Variants in RPS6KA5 observed in about 807,000 individuals in gnomAD.
The protein encoded by RPS6KA5 is ribosomal protein S6 kinase A5.
Under a neutral mutation model 85.5 loss-of-function variants are expected in RPS6KA5, and 27 were observed. The ratio of observed to expected loss-of-function variants is 0.32; its 90% CI spans 0.23 to 0.44. The LOEUF (loss-of-function observed/expected upper bound fraction) is 0.44. Among genes scored for constraint, RPS6KA5 ranks in the 20% least tolerant of loss-of-function variants. The probability of loss-of-function intolerance (pLI) is 1.00; values close to 1 mark genes in which losing one functional copy is unlikely to be tolerated. For missense variants in RPS6KA5, 811 were observed against 980.9 expected, an observed-to-expected ratio of 0.83 and a Z score of 2.31; for synonymous variants, 334 against 348.2, an observed-to-expected ratio of 0.96 and a Z score of 0.46.
At chr14:91,058,624 T>C (rs727258) in intron 1 of RPS6KA5, among the ~76,000 whole-genome samples, 64,124 of 152,002 alleles carry the variant, frequency 0.42, 13,554 homozygotes, top group Middle Eastern at 0.62. Context: ...TGACACTGAG[T>C]GTGGCACAAA....
rs149683603 is a variant in RPS6KA5 at position 90,984,210 on chromosome 14, T to C, written c.176-5686A>G. On this transcript the variant is annotated intron_variant, in intron 2 of 16. Coordinates refer to ENST00000614987, the MANE Select transcript of RPS6KA5 (RefSeq NM_004755.4). ...CTGCAGTGTTTGACTGAACTTGAGGTAGAGGTTCTACTTTTTGAGACTGAG... is the reference window on the plus strand; with the variant it reads ...CTGCAGTGTTTGACTGAACTTGAGGCAGAGGTTCTACTTTTTGAGACTGAG... Among the ~76,000 whole-genome samples the C allele has an allele frequency of 1.6e-3, 237 of 152,308 alleles. 2 individuals carry two copies. Among genetic ancestry groups the C allele is most frequent in the African/African-American group, 5.3e-3 (220 of 41,568 alleles).
chr14:90,868,412 G>T lies in RPS6KA5; in HGVS notation c.*3662C>A, dbSNP rs1349504449. On this transcript the variant is annotated 3_prime_UTR_variant, in exon 17 of 17. Coordinates refer to ENST00000614987, the MANE Select transcript of RPS6KA5 (RefSeq NM_004755.4). ...GTATTATCATGTAAGACATTTGAGA[G>T]GCCAAAAGTCATATAATTTTAAGAT... 1 of 152,004 alleles carries T rather than the reference G, an allele frequency of 6.6e-6. No homozygotes were observed. The highest frequency in any genetic ancestry group is 1.5e-5 in the Non-Finnish European group (1 of 68,008). 9.4% of individuals were successfully genotyped at this position (152,004 alleles called of 1,614,324 possible). A position where few individuals can be genotyped will look rare whatever the true frequency, so the allele number is the denominator to read the frequency against.
At chr14:91,044,860 G>C (rs1352906347) in intron 1 of RPS6KA5, among the ~76,000 whole-genome samples, 1 of 141,758 alleles carries the variant, frequency 7.1e-6, no homozygotes, top group African/African-American at 2.6e-5. Flanking sequence ...AACAGAGCGA[G>C]ACGTGTCAAA....
chr14:91,057,896 A>C (rs563723222), intron 1 of RPS6KA5, among the ~76,000 whole-genome samples: 38 of 152,370 alleles, frequency 2.5e-4, no homozygotes, highest in African/African-American at 8.7e-4. Flanking sequence ...CGATGTCTAC[A>C]TATTAAGCTG....
intron 1 of RPS6KA5, among the ~76,000 whole-genome samples, chr14:91,004,351 G>T (rs1019798592): frequency 6.6e-6 from 1 of 152,080 alleles, no homozygotes. Flanking sequence ...GATTACAGGC[G>T]TGAGCCACCG....
intron 1 of RPS6KA5, among the ~76,000 whole-genome samples, chr14:91,025,681 C>G (rs1462279494): frequency 6.6e-6 from 1 of 151,580 alleles, no homozygotes; most frequent in East Asian, 1.9e-4. Flanking sequence ...GCAAACAAAT[C>G]GTCAAGGCAA....
chr14:90,923,149 T>G lies in RPS6KA5; in HGVS notation c.666A>C (p.Pro222=). Residue 222 remains proline, a synonymous_variant, in exon 6 of 17, where the codon CCA becomes CCC. Coordinates refer to ENST00000614987, the MANE Select transcript of RPS6KA5 (RefSeq NM_004755.4). ...CTGAATCTCCCCCTCTGACAATATC[T>G]GGTGCCATGTATTCAATAGTTCCAC... The part of the protein sequence containing the change: ...SFCGTIEYMA[P]DIVRGGDSGH... The G allele has an allele frequency of 6.2e-7, 1 of 1,613,148 alleles. No individual in the cohort carries two copies. The highest frequency in any genetic ancestry group is 8.5e-7 in the Non-Finnish European group (1 of 1,179,448).
chr14:90,948,400 A>G (rs2037984630), intron 3 of RPS6KA5, among the ~76,000 whole-genome samples: 2 of 152,238 alleles, frequency 1.3e-5, no homozygotes, highest in Admixed American at 1.3e-4. Context: ...AATTGTAGTT[A>G]CATCAGAAAC....
chr14:91,022,275 C>A (rs2041817905), intron 1 of RPS6KA5, among the ~76,000 whole-genome samples: 1 of 152,136 alleles, frequency 6.6e-6, no homozygotes, highest in Non-Finnish European at 1.5e-5. Context: ...CCAACTTACT[C>A]AGAACAAGAA....
chr14:91,007,767 T>A (rs2041089770), intron 1 of RPS6KA5, among the ~76,000 whole-genome samples: 1 of 152,132 alleles, frequency 6.6e-6, no homozygotes, highest in South Asian at 2.1e-4. Context: ...GATGTAATTT[T>A]AAAAACAGTA....
At chr14:91,058,335 C>T (rs1260433909) in intron 1 of RPS6KA5, among the ~76,000 whole-genome samples, 1 of 152,182 alleles carries the variant, frequency 6.6e-6, no homozygotes, top group African/African-American at 2.4e-5. Context: ...ATGATTCACA[C>T]AGTTAGAAGA....
intron 1 of RPS6KA5, among the ~76,000 whole-genome samples, chr14:91,015,146 T>C (rs1233686923): frequency 1.3e-5 from 2 of 152,182 alleles, no homozygotes; most frequent in Non-Finnish European, 2.9e-5. Context: ...GTTTTTAAGA[T>C]TTACTTTCAA....
intron 2 of RPS6KA5, among the ~76,000 whole-genome samples, chr14:90,985,075 G>A (rs1342426097): frequency 6.6e-6 from 1 of 151,824 alleles, no homozygotes. Flanking sequence ...CAAGTAGCTG[G>A]GATTACAACG....
At chr14:90,934,320 T>G (rs952060102) in intron 5 of RPS6KA5, among the ~76,000 whole-genome samples, 1 of 152,206 alleles carries the variant, frequency 6.6e-6, no homozygotes, top group African/African-American at 2.4e-5. Context: ...TTTTCTATTT[T>G]TATTGTGCTT....
chr14:90,900,753 G>C lies in RPS6KA5; in HGVS notation c.1120-17C>G. 1 of 1,589,400 alleles carries C rather than the reference G, an allele frequency of 6.3e-7. No individual in the cohort carries two copies. Among genetic ancestry groups the C allele is most frequent in the South Asian group, 1.2e-5 (1 of 86,738 alleles). On this transcript the variant is annotated splice_polypyrimidine_tract_variant and intron_variant, in intron 9 of 16. Transcript: ENST00000614987. ...GGAATAGCCCTAAAAACAAGACAAAGAAAGATAAAGAAAAACAACTTGCAG... is the reference window on the plus strand; with the variant it reads ...GGAATAGCCCTAAAAACAAGACAAACAAAGATAAAGAAAAACAACTTGCAG...
intron 5 of RPS6KA5, among the ~76,000 whole-genome samples, chr14:90,936,866 C>T (rs569816213): frequency 6.6e-6 from 1 of 152,006 alleles, no homozygotes; most frequent in Non-Finnish European, 1.5e-5. Context: ...GATATACTGA[C>T]AGAAAGGCAG....
intron 1 of RPS6KA5, among the ~76,000 whole-genome samples, chr14:91,004,994 A>C (rs560984636): frequency 6.6e-6 from 1 of 152,146 alleles, no homozygotes; most frequent in East Asian, 1.9e-4. Context: ...AAAAACAAAA[A>C]AACAAAAAAA....
chr14:90,931,711 G>A (rs908685168), intron 5 of RPS6KA5, among the ~76,000 whole-genome samples: 7 of 152,048 alleles, frequency 4.6e-5, no homozygotes, highest in East Asian at 1.9e-4. Context: ...AATACTTAAC[G>A]AACTCCAACA....
chr14:91,012,737 G>T (rs1257999017), intron 1 of RPS6KA5, among the ~76,000 whole-genome samples: 2 of 152,186 alleles, frequency 1.3e-5, no homozygotes, highest in Non-Finnish European at 2.9e-5. Flanking sequence ...AACCAAACAT[G>T]TTCAAAAAGC....
Sources: gnomAD v4.1 joint callset for allele counts (sites outside exome capture counted in the v4.1 genomes callset) on GRCh38, gnomAD v4.1.1 for gene constraint, MANE v1.5 for transcripts, NCBI Gene and HGNC (gene_info 2026-07-23, HGNC 2026-07-21) for gene names.